MALRD1: variants seen among roughly 807,000 people sequenced by gnomAD.
MALRD1 encodes MAM and LDL-receptor class A domain-containing protein 1.
Under a neutral mutation model 242.1 loss-of-function variants are expected in MALRD1, and 247 were observed. The ratio of observed to expected loss-of-function variants is 1.02; its 90% CI spans 0.92 to 1.13. MALRD1 has a LOEUF of 1.13. Ranked by LOEUF, MALRD1 falls within the 50% of genes most tolerant of loss-of-function variation. The pLI, the probability that MALRD1 is intolerant of heterozygous loss-of-function variation, is 0.00. For missense variants in MALRD1, 2,989 were observed against 2,533.1 expected (o/e 1.18, Z -3.86); for synonymous variants, 995 against 866.6 (o/e 1.15, Z -2.60).
intron 1 of MALRD1, among the ~76,000 whole-genome samples, chr10:19,058,660 A>C (rs1834735616): frequency 6.6e-6 from 1 of 152,134 alleles, no homozygotes. Context: ...ATTCTTTTCC[A>C]GGTCAATAAA....
chr10:19,342,950 C>T (rs1843949943), intron 24 of MALRD1, among the ~76,000 whole-genome samples: 1 of 152,024 alleles, frequency 6.6e-6, no homozygotes, highest in African/African-American at 2.4e-5. Flanking sequence ...CTGAATCACT[C>T]ATGAGATAAT....
At chr10:19,235,927 A>T (rs572295814) in intron 18 of MALRD1, among the ~76,000 whole-genome samples, 2 of 152,220 alleles carry the variant, frequency 1.3e-5, no homozygotes, top group Non-Finnish European at 2.9e-5. Context: ...GGTTGGGACA[A>T]TAAAGAAAGA....
rs979598655 is a variant in MALRD1, at chr10:19,700,928, G to T, written c.6314+8374G>T. On this transcript the variant is annotated intron_variant, in intron 38 of 39. Coordinates refer to ENST00000454679, the MANE Select transcript of MALRD1 (RefSeq NM_001142308.3). ...AATCCCAACACTTTGGGAGGCCAAG[G>T]TGAGGGATCTTTAGCTCAAGACTAC... Among the ~76,000 whole-genome samples the T allele has an allele frequency of 1.3e-4, 20 of 152,118 alleles. 1 individual carries two copies. Among genetic ancestry groups the T allele is most frequent in the Non-Finnish European group, 2.9e-5 (2 of 68,020 alleles).
intron 19 of MALRD1, among the ~76,000 whole-genome samples, chr10:19,277,357 T>C (rs1012764812): frequency 2.0e-5 from 3 of 152,226 alleles, no homozygotes; most frequent in Non-Finnish European, 2.9e-5. Flanking sequence ...ATCAGAATAC[T>C]ATTTCCTTGG....
intron 9 of MALRD1, among the ~76,000 whole-genome samples, chr10:19,136,321 G>A (rs959070480): frequency 4.0e-5 from 6 of 150,282 alleles, no homozygotes; most frequent in African/African-American, 1.5e-4. Context: ...GCCTTTAGTG[G>A]AGCAAATGTT....
At chr10:19,681,504 C>A (rs141907763) in intron 36 of MALRD1, among the ~76,000 whole-genome samples, 4 of 152,134 alleles carry the variant, frequency 2.6e-5, no homozygotes, top group African/African-American at 9.6e-5. Context: ...TTTTCTGCAC[C>A]ATCAGGTTAT....
At chr10:19,407,331 C>T (rs1381695109) in intron 28 of MALRD1, among the ~76,000 whole-genome samples, 2 of 151,822 alleles carry the variant, frequency 1.3e-5, no homozygotes, top group African/African-American at 4.8e-5. Flanking sequence ...AAATAAAAAT[C>T]AATAGCCAGA....
At chr10:19,514,336 A>C (rs979324185) in intron 31 of MALRD1, among the ~76,000 whole-genome samples, 1 of 152,202 alleles carries the variant, frequency 6.6e-6, no homozygotes, top group Non-Finnish European at 1.5e-5. Flanking sequence ...AATAAGGTTT[A>C]GTATCACTTA....
At position 19,472,228 on chromosome 10, in the gene MALRD1, A is replaced by G. The variant is rs75278016; in HGVS notation, c.5030-19289A>G. Among the ~76,000 whole-genome samples, 76 of 152,114 alleles carry G rather than the reference A, an allele frequency of 5.0e-4. 2 individuals are homozygous for G. In the East Asian group the frequency reaches 0.013, roughly 25 times the overall value. On this transcript the variant is annotated intron_variant, in intron 29 of 39. Transcript: ENST00000454679. ...TTCTTGATTTACCTACGTTGAACCAACTTTGAATCTCATGAATAAATCACA... is the reference window on the plus strand; with the variant it reads ...TTCTTGATTTACCTACGTTGAACCAGCTTTGAATCTCATGAATAAATCACA...
chr10:19,109,442 C>T (rs1020006852), intron 5 of MALRD1, among the ~76,000 whole-genome samples: 4 of 152,176 alleles, frequency 2.6e-5, no homozygotes, highest in Admixed American at 1.3e-4. Flanking sequence ...CAGTCATGAC[C>T]TCCCTGGTTG....
chr10:19,272,549 A>T (rs1840299466), intron 19 of MALRD1, among the ~76,000 whole-genome samples: 1 of 152,108 alleles, frequency 6.6e-6, no homozygotes, highest in Non-Finnish European at 1.5e-5. Flanking sequence ...AAGTTCCGGG[A>T]TACATGTGTA....
intron 12 of MALRD1, among the ~76,000 whole-genome samples, chr10:19,162,812 G>T (rs934888317): frequency 6.6e-6 from 1 of 151,950 alleles, no homozygotes; most frequent in African/African-American, 2.4e-5. Flanking sequence ...CCATTACTTG[G>T]TACATATACC....
rs1396621316 is a variant in MALRD1, at chr10:19,315,645, TA to T, written c.3420-8303del. Among the ~76,000 whole-genome samples the T allele has an allele frequency of 1.1e-4, 14 of 125,750 alleles. No individual in the cohort carries two copies. In the South Asian group the frequency reaches 1.6e-3, roughly 14 times the overall value. 82.5% of individuals were successfully genotyped at this position (125,750 alleles called of 152,430 possible). On this transcript the variant is annotated intron_variant, in intron 21 of 39. Coordinates refer to ENST00000454679, the MANE Select transcript of MALRD1 (RefSeq NM_001142308.3). ...AAATTATAAATATTATTTATATAAATATATAAATATTATTTATATGACTATA... is the reference window on the plus strand; with the variant it reads ...AAATTATAAATATTATTTATATAAATTATAAATATTATTTATATGACTATA...
Position 19,382,262 on chromosome 10 carries a change from A to G in MALRD1, c.4442-5266A>G, listed in dbSNP as rs559248280. On this transcript the variant is annotated intron_variant, in intron 26 of 39. Coordinates refer to ENST00000454679, the MANE Select transcript of MALRD1 (RefSeq NM_001142308.3). ...ACCTGTAAAAATAAATAGAATTTTG[A>G]CATTCACAACAGGCCTGATCTACTT... Among the ~76,000 whole-genome samples, 4 of 152,196 alleles carry G rather than the reference A, an allele frequency of 2.6e-5. 1 individual carries two copies. The South Asian group carries it at 8.3e-4, about 32-fold the overall frequency.
chr10:19,593,192 A>T (rs1011934031), intron 33 of MALRD1, among the ~76,000 whole-genome samples: 4 of 152,200 alleles, frequency 2.6e-5, no homozygotes, highest in African/African-American at 9.7e-5. Flanking sequence ...TTGCAATTTT[A>T]TATGCTGCTG....
intron 28 of MALRD1, among the ~76,000 whole-genome samples, chr10:19,433,367 G>T (rs1834223215): frequency 6.6e-6 from 1 of 152,112 alleles, no homozygotes; most frequent in Non-Finnish European, 1.5e-5. Flanking sequence ...GAGGGATCTT[G>T]GGTAATTGGA....
chr10:19,209,916 G>A (rs1053646694), intron 18 of MALRD1, among the ~76,000 whole-genome samples: 18 of 152,200 alleles, frequency 1.2e-4, no homozygotes, highest in Admixed American at 3.9e-4. Flanking sequence ...ATTGGAAACA[G>A]CTGCAGGTCC....
chr10:19,185,057 A>C (rs1483625738), intron 14 of MALRD1, among the ~76,000 whole-genome samples: 1 of 152,246 alleles, frequency 6.6e-6, no homozygotes, highest in Non-Finnish European at 1.5e-5. Flanking sequence ...CCTCAAGACT[A>C]AAATAAATAA....
At chr10:19,490,150 T>TCTAA (rs1837417865) in intron 29 of MALRD1, among the ~76,000 whole-genome samples, 2 of 152,156 alleles carry the variant, frequency 1.3e-5, no homozygotes, top group African/African-American at 4.8e-5. Flanking sequence ...TTAGGAATTG[T>TCTAA]GTACATATTG....
Sources: allele counts gnomAD v4.1 joint callset (sites outside exome capture counted in the v4.1 genomes callset), GRCh38; gene constraint gnomAD v4.1.1; transcripts MANE v1.5; gene names NCBI Gene and HGNC (gene_info 2026-07-23, HGNC 2026-07-21).